ITPK1: variants seen among roughly 807,000 people sequenced by gnomAD.
The protein encoded by ITPK1 is inositol 1,3,4-trisphosphate 5/6-kinase.
In ITPK1, 21 loss-of-function variants were observed where a neutral mutation model predicts 45.3. The ratio of observed to expected loss-of-function variants is 0.46; its 90% confidence interval spans 0.33 to 0.67. The LOEUF (loss-of-function observed/expected upper bound fraction) is 0.67. Ranked by LOEUF, ITPK1 falls within the 30% of genes least tolerant of loss-of-function variation. The probability of loss-of-function intolerance (pLI) is 0.02; values close to 1 mark genes in which losing one functional copy is unlikely to be tolerated. For synonymous variants in ITPK1, 258 were observed against 253.6 expected (o/e 1.02, Z -0.16); for missense variants, 474 against 573.5 (o/e 0.83, Z 1.77).
At chr14:93,072,678 G>A (rs145608884) in intron 3 of ITPK1, among the ~76,000 whole-genome samples, 4 of 149,350 alleles carry the variant, frequency 2.7e-5, no homozygotes, top group African/African-American at 5.0e-5. Flanking sequence ...GCAGTGGCAC[G>A]ATCTCAGTTC....
intron 3 of ITPK1, among the ~76,000 whole-genome samples, chr14:93,019,853 G>A (rs774785988): frequency 3.9e-5 from 6 of 152,208 alleles, no homozygotes; most frequent in East Asian, 1.9e-4. Context: ...TCCCAGATGC[G>A]ATGGGGACAG....
chr14:92,983,206 C>T (rs929146173), intron 5 of ITPK1, among the ~76,000 whole-genome samples: 27 of 152,186 alleles, frequency 1.8e-4, no homozygotes, highest in Non-Finnish European at 3.5e-4. Context: ...TAGCTGGAAA[C>T]GTGGGTAGAC....
intron 5 of ITPK1, among the ~76,000 whole-genome samples, chr14:92,967,117 G>C (rs1260211617): frequency 6.6e-6 from 1 of 152,176 alleles, no homozygotes; most frequent in African/African-American, 2.4e-5. Context: ...AAAATGTTTT[G>C]CTTCAAAGAG....
chr14:92,992,019 T>C (rs1285020545), intron 5 of ITPK1, among the ~76,000 whole-genome samples: 1 of 152,282 alleles, frequency 6.6e-6, no homozygotes, highest in South Asian at 2.1e-4. Context: ...ATGACTGATT[T>C]GTCCGAGACC....
At chr14:93,077,710 C>T (rs933176829) in intron 2 of ITPK1, among the ~76,000 whole-genome samples, 5 of 152,168 alleles carry the variant, frequency 3.3e-5, no homozygotes, top group Admixed American at 2.6e-4. Flanking sequence ...CCCTGGTGCC[C>T]ACCTCCCACC....
At chr14:92,966,415 A>C (rs1348265596) in intron 5 of ITPK1, among the ~76,000 whole-genome samples, 3 of 152,250 alleles carry the variant, frequency 2.0e-5, no homozygotes, top group Non-Finnish European at 4.4e-5. Context: ...AAACACTGAA[A>C]ACTGCAAAAT....
intron 2 of ITPK1, among the ~76,000 whole-genome samples, chr14:93,100,973 G>A (rs991995037): frequency 2.0e-5 from 3 of 152,166 alleles, no homozygotes; most frequent in Admixed American, 6.5e-5. Context: ...CGTCAGGGAA[G>A]GGGCACCCAC....
Position 92,941,836 on chromosome 14 carries a change from TCTGGCC to T in ITPK1, c.964_969del (p.Gly322_Gln323del). ...TCCCCTGTGGCTGCCATGGCTGTGC[TCTGGCC>T]CTGCAGGACAGTGGCGATGTGGTTC... is the stretch of plus-strand genomic sequence containing the variant. On this transcript the variant is annotated inframe_deletion, in exon 11 of 11. Coordinates refer to ENST00000267615, the MANE Select transcript of ITPK1 (RefSeq NM_014216.6). The T allele has an allele frequency of 6.2e-7, 1 of 1,612,256 alleles. No individual in the cohort carries two copies. The highest frequency in any genetic ancestry group is 8.5e-7 in the Non-Finnish European group (1 of 1,179,754).
intron 2 of ITPK1, among the ~76,000 whole-genome samples, chr14:93,080,014 A>G (rs1429061393): frequency 6.6e-6 from 1 of 152,212 alleles, no homozygotes; most frequent in East Asian, 1.9e-4. Context: ...AACTTCCCCC[A>G]AGAGGGGACA....
Position 92,941,011 on chromosome 14 carries a change from G to A in ITPK1, c.*550C>T. The stretch of plus-strand genomic sequence containing the variant: ...GGCCTCCTCTGGCTGTGGGGAGGGA[G>A]GGGTTAGCTGCACACCAGGCAGGGT... On this transcript the variant is annotated 3_prime_UTR_variant, in exon 11 of 11. Transcript: ENST00000267615. 1 of 1,260,546 alleles carries A rather than the reference G, an allele frequency of 7.9e-7. No individual in the cohort carries two copies. The highest frequency in any genetic ancestry group is 1.0e-6 in the Non-Finnish European group (1 of 973,896). The allele number at this position is 1,260,546 out of a possible 1,614,324, so 78.1% of individuals were successfully genotyped here.
chr14:93,081,524 G>A (rs1891433114), intron 2 of ITPK1, among the ~76,000 whole-genome samples: 1 of 152,174 alleles, frequency 6.6e-6, no homozygotes, highest in Non-Finnish European at 1.5e-5. Context: ...TTTGCACAGG[G>A]AAGCCTGTCC....
intron 3 of ITPK1, among the ~76,000 whole-genome samples, chr14:93,017,586 A>T (rs1035602919): frequency 6.6e-6 from 1 of 151,886 alleles, no homozygotes; most frequent in Non-Finnish European, 1.5e-5. Flanking sequence ...CCGCTTCCTG[A>T]CCCGCCACAT....
intron 3 of ITPK1, among the ~76,000 whole-genome samples, chr14:93,041,497 T>A (rs77382033): frequency 0.027 from 4,171 of 152,124 alleles, 97 homozygotes; most frequent in Admixed American, 0.085. Context: ...ACTGTGCAGG[T>A]CAGAAAACAC....
At chr14:92,997,793 C>T (rs1887136827) in intron 4 of ITPK1, among the ~76,000 whole-genome samples, 1 of 152,176 alleles carries the variant, frequency 6.6e-6, no homozygotes, top group Admixed American at 6.5e-5. Flanking sequence ...AACATTCAGC[C>T]CCTGCCAGGA....
rs143156761 is a variant in ITPK1, at chr14:92,968,295, C to T, written c.365-5446G>A. Reference sequence around the variant, plus strand: ...GCAGTGAGCCAAGATCGCGTCACTGCACTCCAGCCTGGTAACAGAGCGAGA... The same window carrying T: ...GCAGTGAGCCAAGATCGCGTCACTGTACTCCAGCCTGGTAACAGAGCGAGA... On this transcript the variant is annotated intron_variant, in intron 5 of 10. Transcript: ENST00000267615. Among the ~76,000 whole-genome samples the T allele has an allele frequency of 8.5e-5, 13 of 152,070 alleles. No individual in the cohort carries two copies. The East Asian group carries it at 2.3e-3, about 27-fold the overall frequency.
At chr14:92,973,858 AAG>A (rs748829262) in intron 5 of ITPK1, among the ~76,000 whole-genome samples, 1 of 152,178 alleles carries the variant, frequency 6.6e-6, no homozygotes, top group Non-Finnish European at 1.5e-5. Context: ...TTAGAGCCAG[AAG>A]AGAGGGGCTG....
intron 2 of ITPK1, among the ~76,000 whole-genome samples, chr14:93,107,912 G>A (rs769216746): frequency 1.3e-5 from 2 of 152,224 alleles, no homozygotes; most frequent in African/African-American, 4.8e-5. Context: ...AAGACTCAAA[G>A]GGCCCCACAG....
At chr14:93,088,930 C>T (rs1433363323) in intron 2 of ITPK1, among the ~76,000 whole-genome samples, 1 of 152,208 alleles carries the variant, frequency 6.6e-6, no homozygotes, top group Non-Finnish European at 1.5e-5. Context: ...TACTCCCCAC[C>T]CAGGCCCGCT....
chr14:93,032,243 G>A lies in ITPK1; in HGVS notation c.121-15442C>T, dbSNP rs1476476331. Among the ~76,000 whole-genome samples, 3 of 152,228 alleles carry A rather than the reference G, an allele frequency of 2.0e-5. No individual in the cohort carries two copies. The highest frequency in any genetic ancestry group is 4.1e-4 in the South Asian group (2 of 4,826). On this transcript the variant is annotated intron_variant, in intron 3 of 10. Coordinates refer to ENST00000267615, the MANE Select transcript of ITPK1 (RefSeq NM_014216.6). The surrounding 1 kb of genome is among the most constrained non-coding windows in gnomAD (Gnocchi z 4.0). ...TGCATGCCTGCAATCCCAGCTACTC[G>A]GAAGGCTGAGGCAGGAGAATCACTT...
Sources: allele counts gnomAD v4.1 joint callset (sites outside exome capture counted in the v4.1 genomes callset), GRCh38; gene constraint gnomAD v4.1.1; non-coding constraint Gnocchi (gnomAD v3.1); transcripts MANE v1.5; gene names NCBI Gene and HGNC (gene_info 2026-07-23, HGNC 2026-07-21).